Variants in CAST observed in about 807,000 individuals in gnomAD.
The protein encoded by CAST is MIR583 host.
A neutral mutation model predicts 119.6 loss-of-function variants in CAST; 76 were observed. That is an observed-to-expected ratio of 0.64 (90% CI 0.53 to 0.77). The LOEUF (loss-of-function observed/expected upper bound fraction) is 0.77. Among genes scored for constraint, CAST ranks in the 30% least tolerant of loss-of-function variants. The pLI, the probability that CAST is intolerant of heterozygous loss-of-function variation, is 0.00. For synonymous variants in CAST, 319 were observed against 331.6 expected, an observed-to-expected ratio of 0.96 and a Z score of 0.41; for missense variants, 953 against 946.5, an observed-to-expected ratio of 1.01 and a Z score of -0.09.
the CAST span, among the ~76,000 whole-genome samples, chr5:96,465,819 A>G: frequency 3.3e-5 from 5 of 152,114 alleles, no homozygotes; most frequent in African/African-American, 1.2e-4. Flanking sequence ...GCTCATTATT[A>G]CTGGATTCTC....
intron 1 of CAST, among the ~76,000 whole-genome samples, chr5:96,616,753 T>TATATACACACACAC (rs1167637550): frequency 6.0e-4 from 79 of 130,836 alleles, no homozygotes; most frequent in African/African-American, 1.8e-3. Flanking sequence ...TCTATATATA[T>TATATACACACACAC]ACACACACAC....
chr5:96,471,028 C>T, the CAST span, among the ~76,000 whole-genome samples: 1 of 152,064 alleles, frequency 6.6e-6, no homozygotes, highest in Non-Finnish European at 1.5e-5. Context: ...TAGGACATTC[C>T]TTACAATAGT....
chr5:96,174,533 AG>A, the CAST span, among the ~76,000 whole-genome samples: 2 of 152,226 alleles, frequency 1.3e-5, no homozygotes, highest in African/African-American at 4.8e-5. Context: ...TGGATGATAA[AG>A]GTTTAATGTG....
chr5:96,036,832 C>T, the CAST span, among the ~76,000 whole-genome samples: 1 of 152,044 alleles, frequency 6.6e-6, no homozygotes, highest in Admixed American at 6.6e-5. Flanking sequence ...TAAACTTAAA[C>T]CCAAGCCAAG....
chr5:95,967,839 T>TA, the CAST span, among the ~76,000 whole-genome samples: 1 of 152,178 alleles, frequency 6.6e-6, no homozygotes, highest in Non-Finnish European at 1.5e-5. Context: ...AATACATAAA[T>TA]AAAAAAGCTT....
the CAST span, among the ~76,000 whole-genome samples, chr5:96,139,556 A>ATGTG: frequency 0.27 from 40,269 of 146,956 alleles, 5,997 homozygotes; most frequent in Non-Finnish European, 0.33. Flanking sequence ...ATGTATATAT[A>ATGTG]TGTGTGTGTG....
chr5:96,318,622 C>T, the CAST span: 7 of 152,164 alleles, frequency 4.6e-5, no homozygotes, highest in African/African-American at 1.4e-4. Context: ...CTATCATACC[C>T]AAGGCCACAT....
chr5:96,568,800 C>G (rs1164658152), intron 1 of CAST, among the ~76,000 whole-genome samples: 1 of 151,838 alleles, frequency 6.6e-6, no homozygotes, highest in Non-Finnish European at 1.5e-5. Flanking sequence ...ACCAGCTCTC[C>G]ACCAATAGCT....
intron 1 of CAST, among the ~76,000 whole-genome samples, chr5:96,571,842 T>C (rs1285641655): frequency 4.6e-5 from 7 of 152,232 alleles, no homozygotes; most frequent in Admixed American, 2.0e-4. Context: ...CCAAATGGAA[T>C]GTGAGTTACA....
the CAST span, among the ~76,000 whole-genome samples, chr5:96,409,796 A>G: frequency 6.6e-6 from 1 of 152,226 alleles, no homozygotes; most frequent in Non-Finnish European, 1.5e-5. Flanking sequence ...TTACTTGAGT[A>G]GCTGAAGAGA....
the CAST span, among the ~76,000 whole-genome samples, chr5:96,258,706 A>T: frequency 6.6e-6 from 1 of 152,228 alleles, no homozygotes; most frequent in Non-Finnish European, 1.5e-5. Context: ...TTGACATATT[A>T]CTTTGTCCTC....
the CAST span, among the ~76,000 whole-genome samples, chr5:96,210,489 A>G: frequency 6.6e-6 from 1 of 152,064 alleles, no homozygotes; most frequent in African/African-American, 2.4e-5. Context: ...ATCAAAAGTC[A>G]GTTAGGCATA....
the CAST span, among the ~76,000 whole-genome samples, chr5:96,443,287 C>T: frequency 6.6e-6 from 1 of 152,126 alleles, no homozygotes; most frequent in African/African-American, 2.4e-5. Context: ...ATTTTAAAAC[C>T]TTTCCTATGA....
chr5:96,359,396 G>A, the CAST span, among the ~76,000 whole-genome samples: 1 of 152,052 alleles, frequency 6.6e-6, no homozygotes, highest in Non-Finnish European at 1.5e-5. Flanking sequence ...TGGTTATTTT[G>A]CCCATTAGTT....
At chr5:96,738,584 C>G (rs915454102) in intron 11 of CAST, among the ~76,000 whole-genome samples, 1 of 151,958 alleles carries the variant, frequency 6.6e-6, no homozygotes, top group Admixed American at 6.6e-5. Flanking sequence ...TATTTACCAC[C>G]CTCAGTTTAT....
At chr5:96,583,228 T>TA (rs1230301581) in intron 1 of CAST, among the ~76,000 whole-genome samples, 7 of 151,784 alleles carry the variant, frequency 4.6e-5, no homozygotes, top group Admixed American at 2.0e-4. Context: ...TTTTTTTTTT[T>TA]ACTGTATTTT....
At chr5:96,654,966 C>T (rs963779153) in intron 1 of CAST, among the ~76,000 whole-genome samples, 1 of 152,082 alleles carries the variant, frequency 6.6e-6, no homozygotes, top group Non-Finnish European at 1.5e-5. Context: ...GAAAATAAAA[C>T]CAAAATAGAA....
At chr5:96,173,719 CTG>C in the CAST span, among the ~76,000 whole-genome samples, 1 of 151,620 alleles carries the variant, frequency 6.6e-6, no homozygotes, top group African/African-American at 2.4e-5. Context: ...GCTTAGGAAT[CTG>C]AATCTCAGAT....
At chr5:96,329,350 A>G in the CAST span, among the ~76,000 whole-genome samples, 6 of 152,356 alleles carry the variant, frequency 3.9e-5, no homozygotes, top group South Asian at 1.2e-3. Flanking sequence ...GCTTTCTCTT[A>G]TTAGGAATTT....
Sources: allele counts gnomAD v4.1 joint callset (sites outside exome capture counted in the v4.1 genomes callset), GRCh38; gene constraint gnomAD v4.1.1; transcripts MANE v1.5; gene names NCBI Gene and HGNC (gene_info 2026-07-23, HGNC 2026-07-21).